The following DOCK1 variants were observed in gnomAD, a reference collection of about 807,000 sequenced individuals.
DOCK1 encodes the protein dedicator of cytokinesis 1, also known as dedicator of cytokinesis protein 1.
Under a neutral mutation model 262.7 loss-of-function variants are expected in DOCK1, and 138 were observed. That is an observed-to-expected ratio of 0.53 (90% CI 0.46 to 0.61). The LOEUF (loss-of-function observed/expected upper bound fraction) is 0.61, where lower values mean the gene tolerates loss of function less well. Ranked by LOEUF, DOCK1 falls within the 20% of genes least tolerant of loss-of-function variation. The pLI is 0.00. For missense variants in DOCK1, 1,908 were observed against 2,370.7 expected (o/e 0.80, Z 4.05); for synonymous variants, 866 against 867.4 (o/e 1.00, Z 0.03).
Position 126,958,054 on chromosome 10 carries a change from T to A in DOCK1, c.47-12648T>A, listed in dbSNP as rs1454832833. Among the ~76,000 whole-genome samples, 3 of 152,218 alleles carry A rather than the reference T, an allele frequency of 2.0e-5. No homozygotes were observed. In the South Asian group the frequency reaches 6.2e-4, roughly 32 times the overall value. On this transcript the variant is annotated intron_variant, in intron 1 of 51. Coordinates refer to ENST00000623213, the MANE Select transcript of DOCK1 (RefSeq NM_001290223.2). ...TGGTAATAAAAATTAGAAAATGGTG[T>A]TTTGGGAGAAAAATCTCCTAGAGAG...
In DOCK1 at chr10:126,967,004, A is replaced by G. The variant is rs1032894803; in HGVS notation, c.47-3698A>G. Among the ~76,000 whole-genome samples the G allele has an allele frequency of 1.1e-3, 165 of 152,282 alleles. 1 individual carries two copies. The highest frequency in any genetic ancestry group is 3.4e-3 in the Middle Eastern group (1 of 294). On this transcript the variant is annotated intron_variant, in intron 1 of 51. Coordinates refer to ENST00000623213, the MANE Select transcript of DOCK1 (RefSeq NM_001290223.2). ...ATGAAGATGGACTCGACCAGGGAGA[A>G]TGTAGTAGGCATTCAGCCCACCACC...
intron 9 of DOCK1, 83 bp downstream of exon 9, chr10:126,999,518 C>A: frequency 8.6e-7 from 1 of 1,159,808 alleles, no homozygotes; most frequent in Non-Finnish European, 1.3e-6. Flanking sequence ...CTTCCTGCGA[C>A]ACTAGAACAT....
chr10:126,949,206 G>T (rs1200686344), intron 1 of DOCK1, among the ~76,000 whole-genome samples: 2 of 152,200 alleles, frequency 1.3e-5, no homozygotes, highest in South Asian at 2.1e-4. Context: ...AGGTGACCTG[G>T]GTTGGGGGAC....
At chr10:126,982,554 T>TCTC (rs2039062417) in intron 4 of DOCK1, among the ~76,000 whole-genome samples, 1 of 152,252 alleles carries the variant, frequency 6.6e-6, no homozygotes, top group Non-Finnish European at 1.5e-5. Flanking sequence ...TAAAATGTTT[T>TCTC]CTTTTTTTGT....
At chr10:126,984,043 G>A (rs2039172629) in intron 4 of DOCK1, among the ~76,000 whole-genome samples, 2 of 152,144 alleles carry the variant, frequency 1.3e-5, no homozygotes, top group South Asian at 4.1e-4. Context: ...CTGACCTACT[G>A]CTCAGGCATG....
At chr10:127,056,924 G>A (rs1268005842) in intron 22 of DOCK1, among the ~76,000 whole-genome samples, 1 of 152,186 alleles carries the variant, frequency 6.6e-6, no homozygotes, top group Non-Finnish European at 1.5e-5. Flanking sequence ...ATATTGGACG[G>A]TAGGGCAGAA....
At chr10:127,250,229 A>AG (rs1239325299) in intron 28 of DOCK1, among the ~76,000 whole-genome samples, 13 of 152,328 alleles carry the variant, frequency 8.5e-5, no homozygotes, top group Middle Eastern at 3.4e-3. Flanking sequence ...TCACTTCATA[A>AG]AAGTCCCCAC....
intron 27 of DOCK1, among the ~76,000 whole-genome samples, chr10:127,185,622 T>C (rs1396641947): frequency 1.3e-5 from 2 of 152,220 alleles, no homozygotes; most frequent in Non-Finnish European, 2.9e-5. Flanking sequence ...TTACATTATC[T>C]GGATCCTCAC....
At chr10:127,272,682 C>T (rs2060611475) in intron 29 of DOCK1, among the ~76,000 whole-genome samples, 1 of 152,144 alleles carries the variant, frequency 6.6e-6, no homozygotes, top group Admixed American at 6.5e-5. Flanking sequence ...TGCATTAGTC[C>T]GTGTTCACGC....
chr10:127,016,520 A>C (rs2135366592), intron 12 of DOCK1: 1 of 152,506 alleles, frequency 6.6e-6, no homozygotes. Context: ...CTCAGAAGGC[A>C]GGCTGCTGGA....
At chr10:127,139,991 C>T (rs532453599) in intron 27 of DOCK1, among the ~76,000 whole-genome samples, 76 of 152,248 alleles carry the variant, frequency 5.0e-4, no homozygotes, top group African/African-American at 1.8e-3. Flanking sequence ...GCCTGTCAAT[C>T]GAGTCTGTGA....
rs1197208927 is a variant in DOCK1, at chr10:126,990,609, T to C, written c.473+6T>C. ...AAAATTGATTATGGAAACAGGTTTG[T>C]TTATTTGAAAGATGATTTTACGCTT... is the stretch of plus-strand genomic sequence containing the variant. On this transcript the variant is annotated splice_donor_region_variant and intron_variant, in intron 6 of 51. Transcript: ENST00000623213. The C allele has an allele frequency of 6.2e-7, 1 of 1,612,832 alleles. No individual in the cohort carries two copies.
At position 127,273,381 on chromosome 10, in the gene DOCK1, C is replaced by G. The variant is rs139358124; in HGVS notation, c.3044+15952C>G. ...CAGCTGTGCAGGATTTGATAGGTGG[C>G]AGCTTTAGCTCAGACTCTGGAAGTT... On this transcript the variant is annotated intron_variant, in intron 29 of 51. Coordinates refer to ENST00000623213, the MANE Select transcript of DOCK1 (RefSeq NM_001290223.2). Among the ~76,000 whole-genome samples, 36 of 152,318 alleles carry G rather than the reference C, an allele frequency of 2.4e-4. No individual in the cohort carries two copies. The East Asian group carries it at 6.8e-3, about 29-fold the overall frequency.
intron 16 of DOCK1, among the ~76,000 whole-genome samples, chr10:127,027,227 T>C (rs139617001): frequency 1.2e-3 from 179 of 152,356 alleles, no homozygotes; most frequent in African/African-American, 4.2e-3. Flanking sequence ...CACCGTGCAG[T>C]GGGCAGTTTC....
intron 23 of DOCK1, among the ~76,000 whole-genome samples, chr10:127,062,372 T>C (rs1280847779): frequency 6.6e-6 from 1 of 152,214 alleles, no homozygotes; most frequent in African/African-American, 2.4e-5. Flanking sequence ...CCTTGAACAT[T>C]TTTCATTTCT....
intron 1 of DOCK1, among the ~76,000 whole-genome samples, chr10:126,924,604 A>G (rs73382576): frequency 0.12 from 18,368 of 152,248 alleles, 1,267 homozygotes; most frequent in African/African-American, 0.19. Flanking sequence ...AATTTAACAG[A>G]AATCCAACTC....
At chr10:127,174,961 A>G (rs1262717381) in intron 27 of DOCK1, among the ~76,000 whole-genome samples, 1 of 152,234 alleles carries the variant, frequency 6.6e-6, no homozygotes, top group Non-Finnish European at 1.5e-5. Flanking sequence ...AATTCATTCT[A>G]AGCATAGGTA....
At chr10:127,053,589 G>A (rs994159322) in intron 22 of DOCK1, among the ~76,000 whole-genome samples, 1 of 152,116 alleles carries the variant, frequency 6.6e-6, no homozygotes, top group Non-Finnish European at 1.5e-5. Context: ...GTAAATCGAA[G>A]GGTTAAAGGG....
chr10:127,059,877 A>T (rs2045417724), intron 22 of DOCK1, among the ~76,000 whole-genome samples: 2 of 152,182 alleles, frequency 1.3e-5, no homozygotes, highest in Non-Finnish European at 2.9e-5. Context: ...GACTGTTTGT[A>T]TGTAAAACTG....
Sources: gnomAD v4.1 joint callset for allele counts (sites outside exome capture counted in the v4.1 genomes callset) on GRCh38, gnomAD v4.1.1 for gene constraint, MANE v1.5 for transcripts, NCBI Gene and HGNC (gene_info 2026-07-23, HGNC 2026-07-21) for gene names.